The following ELFN2 variants were observed in gnomAD, a reference collection of about 807,000 sequenced individuals.
The protein encoded by ELFN2 is extracellular leucine rich repeat and fibronectin type III domain containing 2, also known as protein phosphatase 1 regulatory subunit 29.
In ELFN2, 17 loss-of-function variants were observed where a neutral mutation model predicts 45.5. The ratio of observed to expected loss-of-function variants is 0.37; its 90% confidence interval spans 0.26 to 0.56. The LOEUF is 0.56. Among genes scored for constraint, ELFN2 ranks in the 20% least tolerant of loss-of-function variants. The pLI is 0.77. For synonymous variants in ELFN2, 550 were observed against 551.5 expected (o/e 1.00, Z 0.04); for missense variants, 922 against 1,183.2 (o/e 0.78, Z 3.24).
intron 1 of ELFN2, among the ~76,000 whole-genome samples, chr22:37,351,909 G>T (rs571053060): frequency 6.6e-6 from 1 of 151,160 alleles, no homozygotes; most frequent in South Asian, 2.1e-4. Flanking sequence ...TCTCCTTCCT[G>T]TTCTGTTGCA....
chr22:37,367,960 T>C lies in ELFN2; in HGVS notation c.*5112A>G, dbSNP rs1379520345. The C allele has an allele frequency of 6.6e-6, 1 of 152,564 alleles. No individual in the cohort carries two copies. Among genetic ancestry groups the C allele is most frequent in the Non-Finnish European group, 1.5e-5 (1 of 68,040 alleles). 9.5% of individuals were successfully genotyped at this position (152,564 alleles called of 1,614,324 possible). ...GAATACAGCATAGACCATGGCCCCG[T>C]AGCTTTAAATAAGAAATTTATTGCA... On this transcript the variant is annotated 3_prime_UTR_variant, in exon 3 of 3. Coordinates refer to ENST00000402918, the MANE Select transcript of ELFN2 (RefSeq NM_052906.5).
At chr22:37,425,345 CA>C (rs1932839835) in intron 1 of ELFN2, among the ~76,000 whole-genome samples, 1 of 152,164 alleles carries the variant, frequency 6.6e-6, no homozygotes, top group Admixed American at 6.5e-5. Flanking sequence ...GTGCACTCTT[CA>C]GGGGGCAGGA....
At chr22:37,344,588 T>C (rs1323967503) in intron 1 of ELFN2, among the ~76,000 whole-genome samples, 1 of 152,026 alleles carries the variant, frequency 6.6e-6, no homozygotes, top group African/African-American at 2.4e-5. Flanking sequence ...CCGGCCCTCA[T>C]CCTGGTGCCT....
chr22:37,379,733 G>C (rs1305533863), intron 2 of ELFN2, among the ~76,000 whole-genome samples: 1 of 152,172 alleles, frequency 6.6e-6, no homozygotes, highest in Non-Finnish European at 1.5e-5. Flanking sequence ...GGTGGTGCAG[G>C]GGTCTCAGTT....
At chr22:37,360,794 C>G (rs1222569673) in intron 1 of ELFN2, among the ~76,000 whole-genome samples, 1 of 152,218 alleles carries the variant, frequency 6.6e-6, no homozygotes, top group African/African-American at 2.4e-5. Context: ...AAGAGCAGCT[C>G]TGGCCATGAG....
At chr22:37,381,691 A>G (rs1279122642) in intron 2 of ELFN2, among the ~76,000 whole-genome samples, 2 of 152,114 alleles carry the variant, frequency 1.3e-5, no homozygotes, top group African/African-American at 4.8e-5. Flanking sequence ...AAAGCAAAGC[A>G]GGATTTAACT....
rs142158248 is a variant in ELFN2 at position 37,375,836 on chromosome 22, C to CCCTCCTCCT, written c.-311_-303dup. 4.5e-3 allele frequency: 1,553 copies of CCCTCCTCCT among 345,854 alleles called. 18 individuals carry two copies. The highest frequency in any genetic ancestry group is 0.028 in the African/African-American group (1,221 of 44,246). The allele number at this position is 345,854 out of a possible 1,614,324, so 21.4% of individuals were successfully genotyped here. On this transcript the variant is annotated 5_prime_UTR_variant, in exon 3 of 3. Transcript: ENST00000402918. ...GGGTTCTCAGGGCTTGACTTCCTCT[C>CCCTCCTCCT]CCTCCTCCTCCTCCTCCTCCTCCTC...
chr22:37,384,630 CT>C (rs1931888988), intron 2 of ELFN2, among the ~76,000 whole-genome samples: 1 of 107,906 alleles, frequency 9.3e-6, no homozygotes, highest in African/African-American at 3.9e-5. Context: ...TGACCCCTAC[CT>C]TCTCCCCACC....
At chr22:37,357,283 C>T (rs2069220) in intron 1 of ELFN2, among the ~76,000 whole-genome samples, 46,892 of 152,034 alleles carry the variant, frequency 0.31, 7,459 homozygotes, top group Middle Eastern at 0.42. Flanking sequence ...CGGGGCCTCA[C>T]GCTAGACGGG....
At chr22:37,424,221 C>T (rs1569146196) in intron 1 of ELFN2, among the ~76,000 whole-genome samples, 1 of 152,130 alleles carries the variant, frequency 6.6e-6, no homozygotes, top group African/African-American at 2.4e-5. Context: ...TTCACACTCA[C>T]ACATCACACC....
intron 1 of ELFN2, among the ~76,000 whole-genome samples, chr22:37,346,848 C>A (rs1319211231): frequency 6.6e-6 from 1 of 152,064 alleles, no homozygotes; most frequent in African/African-American, 2.4e-5. Context: ...AGTGAAACAC[C>A]GTGGATGCCA....
Position 37,374,698 on chromosome 22 carries a change from C to G in ELFN2, c.837G>C (p.Glu279Asp), listed in dbSNP as rs1164691364. 2.5e-6 allele frequency: 4 copies of G among 1,611,620 alleles called. No individual in the cohort carries two copies. In the African/African-American group the frequency reaches 5.3e-5, roughly 22 times the overall value. The change falls in exon 3 of 3, where the codon GAG becomes GAC. Residue 279 changes from glutamate to aspartate, a missense_variant. By Grantham distance (45) the Glu-to-Asp change is conservative. Around this residue, in one of 2 missense-constraint regions of ELFN2, gnomAD observed 358 missense variants for 540.4 expected, o/e 0.66. Coordinates refer to ENST00000402918, the MANE Select transcript of ELFN2 (RefSeq NM_052906.5). ...AGGCCGGCGGCTCCACCGAAAGGAT[C>G]TCGTCGGGGTTGAAGCCCGAGTTCT... ...PDENSGFNPD[E>D]ILSVEPPASS... is the part of the protein sequence containing the mutation.
intron 1 of ELFN2, among the ~76,000 whole-genome samples, chr22:37,349,224 G>A (rs770820671): frequency 3.3e-5 from 5 of 151,368 alleles, no homozygotes; most frequent in East Asian, 1.9e-4. Context: ...CGTGCAGTCC[G>A]GAGGTGGCAT....
intron 1 of ELFN2, among the ~76,000 whole-genome samples, chr22:37,424,231 C>T (rs1452574694): frequency 6.6e-6 from 1 of 151,820 alleles, no homozygotes; most frequent in Non-Finnish European, 1.5e-5. Flanking sequence ...CACATCACAC[C>T]CGCAAGGGAA....
intron 1 of ELFN2, chr22:37,352,487 A>T (rs1302583467): frequency 6.6e-6 from 1 of 151,076 alleles, no homozygotes; most frequent in Non-Finnish European, 1.5e-5. Context: ...GGCCAGTGTC[A>T]TGAAGGAAAG....
Position 37,374,999 on chromosome 22 carries a change from A to C in ELFN2, c.536T>G (p.Val179Gly). The C allele has an allele frequency of 6.2e-7, 1 of 1,613,434 alleles. No individual in the cohort carries two copies. The highest frequency in any genetic ancestry group is 8.5e-7 in the Non-Finnish European group (1 of 1,180,002). The stretch of plus-strand genomic sequence containing the variant: ...GAAGGGGTTGCCGGCCAGCTCACAC[A>C]CCATCAGGCTGGCGAGGCTGGCAAA... The part of the protein sequence containing the change: ...ATFASLASLM[V>G]CELAGNPFNC... The change falls in exon 3 of 3, where the codon GTG becomes GGG. Residue 179 changes from valine to glycine, a missense_variant. Val to Gly is a moderately radical substitution (Grantham distance 109). Coordinates refer to ENST00000402918, the MANE Select transcript of ELFN2 (RefSeq NM_052906.5).
intron 2 of ELFN2, among the ~76,000 whole-genome samples, chr22:37,397,382 G>A (rs889906964): frequency 2.6e-5 from 4 of 152,168 alleles, no homozygotes; most frequent in Admixed American, 6.5e-5. Context: ...GTCTCCACTC[G>A]CTCACCCCCA....
intron 2 of ELFN2, among the ~76,000 whole-genome samples, chr22:37,412,719 C>T (rs563889201): frequency 5.3e-5 from 8 of 152,350 alleles, no homozygotes; most frequent in South Asian, 4.1e-4. Context: ...CGCACAAGGC[C>T]AGATCTATTC....
chr22:37,349,660 G>A (rs893268852), intron 1 of ELFN2, among the ~76,000 whole-genome samples: 3 of 150,944 alleles, frequency 2.0e-5, no homozygotes, highest in African/African-American at 7.3e-5. Context: ...GGGGGTGCAG[G>A]TGGGGCCTTG....
Sources: allele counts gnomAD v4.1 joint callset (sites outside exome capture counted in the v4.1 genomes callset), GRCh38; gene constraint gnomAD v4.1.1; regional missense constraint gnomAD v4.1.1; transcripts MANE v1.5; gene names NCBI Gene and HGNC (gene_info 2026-07-23, HGNC 2026-07-21).